The following GPC6 variants were observed in gnomAD, a reference collection of about 807,000 sequenced individuals.
GPC6 encodes the protein glypican-6.
Under a neutral mutation model 55.2 loss-of-function variants are expected in GPC6, and 14 were observed. The ratio of observed to expected loss-of-function variants is 0.25; its 90% CI spans 0.17 to 0.40. GPC6 has a LOEUF of 0.40. GPC6 is among the 10% of genes least tolerant of loss of function. The pLI, the probability that GPC6 is intolerant of heterozygous loss-of-function variation, is 1.00. For missense variants in GPC6, 641 were observed against 708.5 expected, an observed-to-expected ratio of 0.90 and a Z score of 1.08; for synonymous variants, 278 against 259.6, an observed-to-expected ratio of 1.07 and a Z score of -0.68.
chr13:93,522,174 G>A (rs9561383), intron 1 of GPC6, among the ~76,000 whole-genome samples: 18 of 151,794 alleles, frequency 1.2e-4, no homozygotes, highest in African/African-American at 2.4e-4. Flanking sequence ...GGGTCTCTGC[G>A]CCTGTCATTA....
intron 4 of GPC6, among the ~76,000 whole-genome samples, chr13:94,076,360 T>A (rs1884914819): frequency 6.6e-6 from 1 of 152,004 alleles, no homozygotes; most frequent in Non-Finnish European, 1.5e-5. Flanking sequence ...ATACATTGGA[T>A]ATTATCTATC....
intron 2 of GPC6, among the ~76,000 whole-genome samples, chr13:93,651,645 C>A (rs144141439): frequency 6.6e-6 from 1 of 152,132 alleles, no homozygotes; most frequent in African/African-American, 2.4e-5. Context: ...TCAGCTCCTT[C>A]CCAAAGGGAC....
chr13:94,077,726 A>G (rs1484880397), intron 4 of GPC6, among the ~76,000 whole-genome samples: 2 of 151,738 alleles, frequency 1.3e-5, no homozygotes, highest in African/African-American at 2.4e-5. Flanking sequence ...TATGGAGATG[A>G]TAATATGCTT....
chr13:94,066,043 A>G (rs903664008), intron 4 of GPC6, among the ~76,000 whole-genome samples: 9 of 152,182 alleles, frequency 5.9e-5, no homozygotes, highest in African/African-American at 1.9e-4. Flanking sequence ...TTTGCTCTTA[A>G]TCTTATTTCC....
intron 1 of GPC6, among the ~76,000 whole-genome samples, chr13:93,530,319 C>T (rs971509995): frequency 7.2e-5 from 11 of 152,224 alleles, no homozygotes; most frequent in Admixed American, 6.5e-4. Flanking sequence ...ATAGTCCCCA[C>T]TGTCCACCAT....
intron 6 of GPC6, among the ~76,000 whole-genome samples, chr13:94,312,651 G>A (rs1048584660): frequency 2.3e-4 from 35 of 152,032 alleles, no homozygotes; most frequent in African/African-American, 8.2e-4. Flanking sequence ...CTGTGTTTAG[G>A]TGAAACTGAT....
intron 3 of GPC6, among the ~76,000 whole-genome samples, chr13:93,884,981 A>G (rs1450329825): frequency 2.0e-5 from 3 of 152,116 alleles, no homozygotes; most frequent in African/African-American, 7.2e-5. Flanking sequence ...TTGGGGCTTC[A>G]AAGAATTTAG....
At chr13:94,011,670 T>G (rs9888499) in intron 3 of GPC6, among the ~76,000 whole-genome samples, 5,268 of 152,262 alleles carry the variant, frequency 0.035, 318 homozygotes, top group African/African-American at 0.12. Flanking sequence ...TATTCCACTT[T>G]GAGTTTCTTT....
intron 5 of GPC6, among the ~76,000 whole-genome samples, chr13:94,294,972 A>G (rs1240493951): frequency 2.0e-5 from 3 of 152,288 alleles, no homozygotes; most frequent in Non-Finnish European, 1.5e-5. Flanking sequence ...TGTTTTACAC[A>G]TGGAAGAAGC....
intron 1 of GPC6, among the ~76,000 whole-genome samples, chr13:93,443,212 C>T (rs1877869623): frequency 6.6e-6 from 1 of 152,054 alleles, no homozygotes; most frequent in Non-Finnish European, 1.5e-5. Flanking sequence ...GAAACTATTT[C>T]AGGATTTTAT....
chr13:93,730,365 A>G (rs1468020881), intron 2 of GPC6, among the ~76,000 whole-genome samples: 1 of 152,208 alleles, frequency 6.6e-6, no homozygotes, highest in African/African-American at 2.4e-5. Flanking sequence ...TTTGACCTTA[A>G]TAAATCATAC....
intron 4 of GPC6, among the ~76,000 whole-genome samples, chr13:94,225,668 C>CAT (rs1355465459): frequency 8.2e-5 from 8 of 97,492 alleles, no homozygotes; most frequent in Admixed American, 2.1e-4. Context: ...GTAAAGTATA[C>CAT]ACATATATAT....
intron 1 of GPC6, among the ~76,000 whole-genome samples, chr13:93,442,545 A>G (rs1191647199): frequency 6.6e-6 from 1 of 152,232 alleles, no homozygotes; most frequent in Non-Finnish European, 1.5e-5. Context: ...CTAAGGAAGC[A>G]TGAGTTTTAC....
rs183735571 is a variant in GPC6 at position 94,065,762 on chromosome 13, C to T, written c.877+37868C>T. Among the ~76,000 whole-genome samples the T allele has an allele frequency of 1.4e-3, 213 of 152,282 alleles. 1 individual carries two copies. The highest frequency in any genetic ancestry group is 5.1e-3 in the African/African-American group (210 of 41,562). On this transcript the variant is annotated intron_variant, in intron 4 of 8. Transcript: ENST00000377047. ...AATCTTATTACACCCCACCATCTTTCTCTGTATAATTAAGTAATGATGTGT... is the reference window on the plus strand; with the variant it reads ...AATCTTATTACACCCCACCATCTTTTTCTGTATAATTAAGTAATGATGTGT...
intron 1 of GPC6, among the ~76,000 whole-genome samples, chr13:93,519,119 T>C (rs1881313155): frequency 6.6e-6 from 1 of 152,046 alleles, no homozygotes; most frequent in African/African-American, 2.4e-5. Context: ...AATTTAAAGC[T>C]TAAACTATCT....
intron 1 of GPC6, among the ~76,000 whole-genome samples, chr13:93,244,739 T>C (rs971855956): frequency 7.2e-5 from 11 of 152,224 alleles, no homozygotes; most frequent in African/African-American, 2.4e-4. Context: ...AGACTGAAGT[T>C]TTCTGCCTGA....
chr13:94,146,726 T>C (rs1197688098), intron 4 of GPC6, among the ~76,000 whole-genome samples: 1 of 152,150 alleles, frequency 6.6e-6, no homozygotes, highest in Non-Finnish European at 1.5e-5. Flanking sequence ...GAAAGTCCCA[T>C]ACCAGTTGTT....
At chr13:94,106,580 A>G (rs191512183) in intron 4 of GPC6, among the ~76,000 whole-genome samples, 265 of 152,058 alleles carry the variant, frequency 1.7e-3, no homozygotes, top group African/African-American at 6.2e-3. Context: ...AAAGTGTGAA[A>G]AAGAGACGAG....
intron 3 of GPC6, among the ~76,000 whole-genome samples, chr13:93,963,192 A>G (rs982408092): frequency 6.6e-6 from 1 of 152,192 alleles, no homozygotes; most frequent in Non-Finnish European, 1.5e-5. Context: ...TATTAAGTAA[A>G]CAAAATCATG....
Sources: allele counts gnomAD v4.1 joint callset (sites outside exome capture counted in the v4.1 genomes callset), GRCh38; gene constraint gnomAD v4.1.1; transcripts MANE v1.5; gene names NCBI Gene and HGNC (gene_info 2026-07-23, HGNC 2026-07-21).